Variants in DNAI3 observed in about 807,000 individuals in gnomAD.
DNAI3 encodes the protein WD repeat domain 63.
DNAI3 carries 83 observed loss-of-function variants against 115.5 expected under a neutral mutation model. The ratio of observed to expected loss-of-function variants is 0.72; its 90% CI spans 0.60 to 0.86. The LOEUF (loss-of-function observed/expected upper bound fraction) is 0.86, where lower values mean the gene tolerates loss of function less well. Ranked by LOEUF, DNAI3 falls within the 40% of genes least tolerant of loss-of-function variation. The pLI is 0.00. For synonymous variants in DNAI3, 320 were observed against 347.0 expected, an observed-to-expected ratio of 0.92 and a Z score of 0.86; for missense variants, 1,004 against 1,075.8, an observed-to-expected ratio of 0.93 and a Z score of 0.93.
At chr1:85,071,491 T>C (rs1266659028) in intron 1 of DNAI3, among the ~76,000 whole-genome samples, 12 of 152,208 alleles carry the variant, frequency 7.9e-5, no homozygotes, top group Admixed American at 7.2e-4. Flanking sequence ...AAATTATATA[T>C]GCATATGCAC....
Position 85,110,064 on chromosome 1 carries a change from G to A in DNAI3, c.1715G>A (p.Gly572Asp). 1 of 1,612,074 alleles carries A rather than the reference G, an allele frequency of 6.2e-7. No homozygotes were observed. The highest frequency in any genetic ancestry group is 8.5e-7 in the Non-Finnish European group (1 of 1,178,934). Reference sequence around the variant, plus strand: ...TCCCAAAAGGTAAGGCTGTCCAAGGGTGAAACAAGTTTAGACCACTGTCCA... The same window carrying A: ...TCCCAAAAGGTAAGGCTGTCCAAGGATGAAACAAGTTTAGACCACTGTCCA... The part of the protein sequence containing the change: ...KPLTKVRLSK[G>D]ETSLDHCPTK... Residue 572 changes from glycine to aspartate, a missense_variant, in exon 16 of 23, where the codon GGT (glycine) becomes GAT (aspartate). Gly to Asp is a moderately conservative substitution (Grantham distance 94, BLOSUM62 -1). Around this residue, in one of 3 missense-constraint regions of DNAI3, gnomAD observed 429 missense variants for 454.3 expected, o/e 0.94. Coordinates refer to ENST00000294664, the MANE Select transcript of DNAI3 (RefSeq NM_145172.5).
chr1:85,111,835 ATTTGATATGC>A (rs1256582396), intron 16 of DNAI3, among the ~76,000 whole-genome samples: 9 of 152,152 alleles, frequency 5.9e-5, no homozygotes, highest in African/African-American at 2.2e-4. Flanking sequence ...AAAGTGTTTA[ATTTGATATGC>A]TTTGACATAT....
At chr1:85,124,616 G>A (rs1571201916) in intron 19 of DNAI3, among the ~76,000 whole-genome samples, 2 of 152,064 alleles carry the variant, frequency 1.3e-5, no homozygotes, top group South Asian at 2.1e-4. Flanking sequence ...CTGCAGCCTC[G>A]ACTTCCCAGG....
intron 18 of DNAI3, 150 bp from the exon 19 acceptor site, chr1:85,123,971 C>A: frequency 1.1e-6 from 1 of 912,980 alleles, no homozygotes; most frequent in Non-Finnish European, 1.6e-6. Flanking sequence ...CATCCCTTGA[C>A]AGATCTATTC....
At chr1:85,098,881 G>A (rs1316445179) in intron 13 of DNAI3, among the ~76,000 whole-genome samples, 1 of 152,180 alleles carries the variant, frequency 6.6e-6, no homozygotes, top group Non-Finnish European at 1.5e-5. Flanking sequence ...AAAAATGTGG[G>A]TGGTGTCAAC....
chr1:85,110,179 C>A (rs770492359), intron 16 of DNAI3, 44 bp downstream of exon 16: 24 of 1,520,512 alleles, frequency 1.6e-5, no homozygotes, highest in Non-Finnish European at 2.0e-5. Flanking sequence ...AGGCCGGGCG[C>A]GGTGGCTCAC....
At chr1:85,127,982 G>A (rs817475) in intron 20 of DNAI3, among the ~76,000 whole-genome samples, 31,396 of 151,556 alleles carry the variant, frequency 0.21, 3,529 homozygotes, top group African/African-American at 0.3. Flanking sequence ...AAAATTAGCC[G>A]GGCATGGTGC....
Position 85,084,693 on chromosome 1 carries a change from C to T in DNAI3, c.538C>T (p.Gln180Ter), listed in dbSNP as rs1465418680. ...AGAATCAGTTACGGAATCTACAAAG[C>T]AGGTTAGAGGGTTATATATGATCTG... ...EEESVTESTK[Q>*]ITYMISRKRS... Residue 180 changes from glutamine to a stop codon, truncating the protein, a stop_gained and splice_region_variant, in exon 6 of 23, where the codon CAG (glutamine) becomes TAG (stop). Transcript: ENST00000294664. LOFTEE classifies it high-confidence loss of function. 5 of 1,513,092 alleles carry T rather than the reference C, an allele frequency of 3.3e-6. No homozygotes were observed. The highest frequency in any genetic ancestry group is 2.5e-5 in the East Asian group (1 of 39,434). 93.7% of individuals were successfully genotyped at this position (1,513,092 alleles called of 1,614,324 possible). A position where few individuals can be genotyped will look rare whatever the true frequency, so the allele number is the denominator to read the frequency against.
At chr1:85,108,845 A>G (rs995069137) in intron 15 of DNAI3, among the ~76,000 whole-genome samples, 1 of 152,198 alleles carries the variant, frequency 6.6e-6, no homozygotes, top group African/African-American at 2.4e-5. Flanking sequence ...TGAATTCAAG[A>G]TTGATATTTC....
At chr1:85,099,254 G>T (rs910756564) in intron 13 of DNAI3, 1 of 985,256 alleles carries the variant, frequency 1.0e-6, no homozygotes. Context: ...GGGCATTAAA[G>T]ATCTACTATG....
At chr1:85,086,141 A>G in intron 7 of DNAI3, 111 bp downstream of exon 7, 1 of 966,918 alleles carries the variant, frequency 1.0e-6, no homozygotes, top group South Asian at 1.7e-5. Flanking sequence ...ATTAATGATG[A>G]TGACACATAG....
chr1:85,124,771 T>C (rs1431661323), intron 19 of DNAI3, among the ~76,000 whole-genome samples: 1 of 152,160 alleles, frequency 6.6e-6, no homozygotes, highest in Non-Finnish European at 1.5e-5. Flanking sequence ...TGGGCTCAAG[T>C]GATTCACCTG....
chr1:85,072,513 G>A (rs749290435), intron 2 of DNAI3, among the ~76,000 whole-genome samples: 3 of 151,550 alleles, frequency 2.0e-5, no homozygotes, highest in Middle Eastern at 6.9e-3. Flanking sequence ...GTGGTGGCAC[G>A]CGCCTGTAAT....
chr1:85,122,718 A>C (rs1200669480), intron 18 of DNAI3, among the ~76,000 whole-genome samples: 3 of 152,210 alleles, frequency 2.0e-5, no homozygotes, highest in African/African-American at 7.2e-5. Context: ...AGTGACTGAC[A>C]GGGGAGCAGG....
At chr1:85,128,676 T>C (rs1656221045) in intron 20 of DNAI3, 32 bp from the exon 21 acceptor site, 1 of 1,569,596 alleles carries the variant, frequency 6.4e-7, no homozygotes, top group Admixed American at 1.8e-5. Flanking sequence ...TGTTTGCTGA[T>C]TTTTTCCTCC....
chr1:85,114,525 G>T (rs1173411665), intron 16 of DNAI3, among the ~76,000 whole-genome samples: 1 of 151,680 alleles, frequency 6.6e-6, no homozygotes, highest in Non-Finnish European at 1.5e-5. Context: ...TAAATGAAGT[G>T]TGAGAGTGGA....
intron 20 of DNAI3, among the ~76,000 whole-genome samples, chr1:85,127,515 G>A (rs1396037322): frequency 6.6e-6 from 1 of 152,080 alleles, no homozygotes; most frequent in African/African-American, 2.4e-5. Flanking sequence ...GGGATTATAG[G>A]GGTGAACCAC....
At chr1:85,079,096 T>A (rs1654548478) in intron 3 of DNAI3, among the ~76,000 whole-genome samples, 1 of 152,202 alleles carries the variant, frequency 6.6e-6, no homozygotes, top group Admixed American at 6.5e-5. Context: ...ACAGTGTGAG[T>A]CTCACAGTCC....
In DNAI3 at chr1:85,084,189, A is replaced by G. The variant is rs537023595; in HGVS notation, c.391-357A>G. Among the ~76,000 whole-genome samples, 597 of 131,646 alleles carry G rather than the reference A, an allele frequency of 4.5e-3. 3 individuals carry two copies. The highest frequency in any genetic ancestry group is 0.01 in the Middle Eastern group (2 of 194). The allele number at this position is 131,646 out of a possible 152,430, so 86.4% of individuals were successfully genotyped here. A position where few individuals can be genotyped will look rare whatever the true frequency, so the allele number is the denominator to read the frequency against. ...TATATATATATGTGTGTGTGTGTGT[A>G]TATATACACATCTATATGTAGAGAT... is the stretch of plus-strand genomic sequence containing the variant. On this transcript the variant is annotated intron_variant, in intron 5 of 22. Transcript: ENST00000294664.
Sources: gnomAD v4.1 joint callset for allele counts (sites outside exome capture counted in the v4.1 genomes callset) on GRCh38, gnomAD v4.1.1 for gene constraint, gnomAD v4.1.1 regional missense constraint, MANE v1.5 for transcripts, NCBI Gene and HGNC (gene_info 2026-07-23, HGNC 2026-07-21) for gene names.